Variants in CNTN5 observed in about 807,000 individuals in gnomAD.
CNTN5 encodes the protein contactin-5.
Under a neutral mutation model 129.1 loss-of-function variants are expected in CNTN5, and 77 were observed. The ratio of observed to expected loss-of-function variants is 0.60; its 90% CI spans 0.50 to 0.72. The LOEUF (loss-of-function observed/expected upper bound fraction) is 0.72. CNTN5 is among the 30% of genes least tolerant of loss of function. The pLI is 0.00. For synonymous variants in CNTN5, 509 were observed against 465.6 expected (o/e 1.09, Z -1.20); for missense variants, 1,478 against 1,328.8 (o/e 1.11, Z -1.75).
rs74838938 is a variant in CNTN5 at position 100,337,069 on chromosome 11, C to T, written c.2731-3394C>T. On this transcript the variant is annotated intron_variant, in intron 21 of 24. Transcript: ENST00000524871. ...CAAAATTGGCAATGCTGAGATTTCA[C>T]AAATCACTCTTGTAGGGATCATCAG... The T allele has an allele frequency of 6.0e-3, 7,584 of 1,272,756 alleles. 315 individuals carry two copies. The African/African-American group carries it at 0.093, about 16-fold the overall frequency. 78.8% of individuals were successfully genotyped at this position (1,272,756 alleles called of 1,614,324 possible). A position where few individuals can be genotyped will look rare whatever the true frequency, so the allele number is the denominator to read the frequency against.
intron 4 of CNTN5, among the ~76,000 whole-genome samples, chr11:99,824,551 C>G (rs1252377208): frequency 6.6e-6 from 1 of 151,818 alleles, no homozygotes; most frequent in Non-Finnish European, 1.5e-5. Context: ...TAACTTTTTA[C>G]TTTGTCAGTA....
intron 13 of CNTN5, among the ~76,000 whole-genome samples, chr11:100,148,902 A>G (rs1438739890): frequency 6.6e-6 from 1 of 152,212 alleles, no homozygotes; most frequent in Non-Finnish European, 1.5e-5. Flanking sequence ...AACAAAAAAA[A>G]AAGAATGTTT....
intron 3 of CNTN5, among the ~76,000 whole-genome samples, chr11:99,581,608 A>G (rs1308313295): frequency 6.6e-6 from 1 of 151,184 alleles, no homozygotes; most frequent in East Asian, 1.9e-4. Context: ...GTCTCTTTTG[A>G]TCTTTGTTGG....
At chr11:100,204,860 C>A (rs543373714) in intron 15 of CNTN5, among the ~76,000 whole-genome samples, 1 of 151,814 alleles carries the variant, frequency 6.6e-6, no homozygotes, top group South Asian at 2.1e-4. Context: ...AAGGAGAATG[C>A]CCTACATATA....
chr11:99,256,670 G>A (rs907780547), intron 1 of CNTN5, among the ~76,000 whole-genome samples: 1 of 151,914 alleles, frequency 6.6e-6, no homozygotes, highest in African/African-American at 2.4e-5. Context: ...TTTCCTGTAA[G>A]CAAGGGACTC....
At chr11:100,160,770 A>ACTTAATATTCATTACTTCATTCAATCTTT (rs1947420374) in intron 13 of CNTN5, among the ~76,000 whole-genome samples, 1 of 151,926 alleles carries the variant, frequency 6.6e-6, no homozygotes, top group Non-Finnish European at 1.5e-5. Context: ...CATGCTGCGC[A>ACTTAATATTCATTACTTCATTCAATCTTT]CTTAATATTC....
intron 1 of CNTN5, among the ~76,000 whole-genome samples, chr11:99,220,345 C>A (rs1565413479): frequency 6.6e-6 from 1 of 151,900 alleles, no homozygotes; most frequent in Admixed American, 6.6e-5. Context: ...CTTTTCTTTT[C>A]TCTCTTTAGA....
chr11:99,620,993 A>T (rs1247157503), intron 3 of CNTN5, among the ~76,000 whole-genome samples: 1 of 152,128 alleles, frequency 6.6e-6, no homozygotes. Flanking sequence ...TTTTCATTCA[A>T]ACAATGTGAG....
chr11:99,898,934 T>C (rs774250116), intron 6 of CNTN5, among the ~76,000 whole-genome samples: 4 of 152,056 alleles, frequency 2.6e-5, no homozygotes, highest in Non-Finnish European at 5.9e-5. Flanking sequence ...TGGAAATGCC[T>C]CTAATGTTTC....
intron 3 of CNTN5, among the ~76,000 whole-genome samples, chr11:99,582,267 T>C (rs1338785372): frequency 2.0e-5 from 3 of 152,220 alleles, no homozygotes; most frequent in Non-Finnish European, 4.4e-5. Flanking sequence ...CATTTTTTCC[T>C]TCATTTCAAC....
chr11:100,212,844 G>A (rs1345338051), intron 15 of CNTN5, among the ~76,000 whole-genome samples: 1 of 152,034 alleles, frequency 6.6e-6, no homozygotes, highest in Non-Finnish European at 1.5e-5. Flanking sequence ...CATGTTTTAG[G>A]AGGGATTACT....
At chr11:100,204,251 A>G (rs1948856346) in intron 15 of CNTN5, among the ~76,000 whole-genome samples, 2 of 132,774 alleles carry the variant, frequency 1.5e-5, no homozygotes, top group Admixed American at 8.4e-5. Context: ...TATATGAACT[A>G]AAAACTAGCC....
chr11:99,467,632 T>TA (rs1314652031), intron 2 of CNTN5, among the ~76,000 whole-genome samples: 5 of 152,100 alleles, frequency 3.3e-5, no homozygotes, highest in Admixed American at 6.6e-5. Flanking sequence ...ATCCTTTTAC[T>TA]AAAAAAGAGA....
intron 2 of CNTN5, among the ~76,000 whole-genome samples, chr11:99,488,211 C>T (rs1469268853): frequency 6.7e-5 from 9 of 133,840 alleles, no homozygotes; most frequent in African/African-American, 1.9e-4. Flanking sequence ...CTCGCTCTGT[C>T]GTCCAGGCTG....
intron 1 of CNTN5, among the ~76,000 whole-genome samples, chr11:99,174,638 G>C (rs1857687306): frequency 6.6e-6 from 1 of 152,024 alleles, no homozygotes; most frequent in Non-Finnish European, 1.5e-5. Flanking sequence ...TCTACTAATT[G>C]AAAGTCCATT....
chr11:99,968,747 CTT>C (rs904041037), intron 8 of CNTN5, among the ~76,000 whole-genome samples: 2 of 118,728 alleles, frequency 1.7e-5, no homozygotes, highest in Non-Finnish European at 3.2e-5. Context: ...ATCCAGGAGA[CTT>C]TTTCTTTCTC....
In CNTN5 at chr11:100,237,650, GA is replaced by G. The variant is rs371340526; in HGVS notation, c.2005+12845del. ...CAGCAAGTGAGGTGAAAGAGTAGGG[GA>G]AAAAAACTGAACACCAGATGATTCT... On this transcript the variant is annotated intron_variant, in intron 16 of 24. Transcript: ENST00000524871. 8.4e-4 allele frequency among the ~76,000 whole-genome samples: 128 copies of G among 152,050 alleles called. 2 individuals are homozygous for G. Among genetic ancestry groups the G allele is most frequent in the African/African-American group, 2.8e-3 (117 of 41,472 alleles).
At chr11:99,116,548 C>G (rs968728809) in intron 1 of CNTN5, among the ~76,000 whole-genome samples, 1 of 151,980 alleles carries the variant, frequency 6.6e-6, no homozygotes. Flanking sequence ...AATTGACCAA[C>G]AAAATAAATA....
chr11:99,504,408 G>T (rs1205176764), intron 2 of CNTN5, among the ~76,000 whole-genome samples: 1 of 151,862 alleles, frequency 6.6e-6, no homozygotes, highest in African/African-American at 2.4e-5. Flanking sequence ...GGGCATAGTG[G>T]CACAGGCCTT....
Sources: gnomAD v4.1 joint callset for allele counts (sites outside exome capture counted in the v4.1 genomes callset) on GRCh38, gnomAD v4.1.1 for gene constraint, MANE v1.5 for transcripts, NCBI Gene and HGNC (gene_info 2026-07-23, HGNC 2026-07-21) for gene names.